Variants in TRDN observed in about 807,000 individuals in gnomAD.
The protein encoded by TRDN is triadin in skeletal muscle.
Under a neutral mutation model 149.7 loss-of-function variants are expected in TRDN, and 161 were observed. The observed-to-expected ratio is 1.08, with a 90% CI of 0.95 to 1.23. The LOEUF is 1.23. Ranked by LOEUF, TRDN falls within the 50% of genes most tolerant of loss-of-function variation. The probability of loss-of-function intolerance (pLI) is 0.00; values close to 1 mark genes in which losing one functional copy is unlikely to be tolerated. For synonymous variants in TRDN, 294 were observed against 250.5 expected, an observed-to-expected ratio of 1.17 and a Z score of -1.64; for missense variants, 896 against 823.5, an observed-to-expected ratio of 1.09 and a Z score of -1.08.
intron 1 of TRDN, among the ~76,000 whole-genome samples, chr6:123,582,722 C>G (rs1783193612): frequency 6.6e-6 from 1 of 152,034 alleles, no homozygotes; most frequent in Non-Finnish European, 1.5e-5. Context: ...AGCTTGGGCT[C>G]AGAGGCCTGA....
chr6:123,375,744 A>G lies in TRDN; in HGVS notation c.1247-113T>C, dbSNP rs1462710673. On this transcript the variant is annotated intron_variant, in intron 18 of 40. Transcript: ENST00000334268. Reference sequence around the variant, plus strand: ...TTAAAGATTGTGTGTATAATATTGGAAGCTAAAGAAAAATAAGATCTGAGA... The same window carrying G: ...TTAAAGATTGTGTGTATAATATTGGGAGCTAAAGAAAAATAAGATCTGAGA... 1.3e-5 allele frequency: 11 copies of G among 833,890 alleles called. No homozygotes were observed. In the East Asian group the frequency reaches 2.9e-4, roughly 22 times the overall value. The allele number at this position is 833,890 out of a possible 1,614,324, so 51.7% of individuals were successfully genotyped here. A position where few individuals can be genotyped will look rare whatever the true frequency, so the allele number is the denominator to read the frequency against.
intron 12 of TRDN, among the ~76,000 whole-genome samples, chr6:123,414,672 A>G (rs760991461): frequency 1.3e-5 from 2 of 152,134 alleles, no homozygotes; most frequent in South Asian, 2.1e-4. Flanking sequence ...TAAAACACAC[A>G]TTACATTTTA....
Position 123,223,205 on chromosome 6 carries a change from C to A in TRDN, c.2014+888G>T, listed in dbSNP as rs115078836. On this transcript the variant is annotated intron_variant, in intron 39 of 40. Transcript: ENST00000334268. ...TGCAGGAACAGAAATCCATATACAG[C>A]ATGTTCTCACTTAAAGTGGGAGCTA... Among the ~76,000 whole-genome samples, 874 of 151,824 alleles carry A rather than the reference C, an allele frequency of 5.8e-3. 10 individuals carry two copies. The highest frequency in any genetic ancestry group is 0.02 in the African/African-American group (841 of 41,486).
intron 2 of TRDN, among the ~76,000 whole-genome samples, chr6:123,562,234 T>C (rs892131592): frequency 6.6e-6 from 1 of 152,096 alleles, no homozygotes; most frequent in Non-Finnish European, 1.5e-5. Flanking sequence ...GCCGCATCCC[T>C]ATCTCCCTTC....
At position 123,599,483 on chromosome 6, in the gene TRDN, T is replaced by C. The variant is rs182572000; in HGVS notation, c.23-28351A>G. On this transcript the variant is annotated intron_variant, in intron 1 of 40. Coordinates refer to ENST00000334268, the MANE Select transcript of TRDN (RefSeq NM_006073.4). ...TCAGAATGCATAATAGGTAAAACTA[T>C]GCATTTTCATTCATGTAAAAATCAT... Among the ~76,000 whole-genome samples, 45 of 151,978 alleles carry C rather than the reference T, an allele frequency of 3.0e-4. No homozygotes were observed. The East Asian group carries it at 8.1e-3, about 27-fold the overall frequency.
At chr6:123,368,372 A>G (rs775576629) in intron 19 of TRDN, among the ~76,000 whole-genome samples, 1 of 152,094 alleles carries the variant, frequency 6.6e-6, no homozygotes, top group African/African-American at 2.4e-5. Flanking sequence ...CATCTGCTCT[A>G]CTACTACTAT....
In TRDN at chr6:123,263,781, G is replaced by A. The variant is rs190979388; in HGVS notation, c.1804+1537C>T. On this transcript the variant is annotated intron_variant, in intron 33 of 40. Transcript: ENST00000334268. The stretch of plus-strand genomic sequence containing the variant: ...TGGAGGCTAGTGAAGCTGGTGACTT[G>A]AAGTTGAAGCCAATGCTTATTGACC... 3.3e-3 allele frequency among the ~76,000 whole-genome samples: 500 copies of A among 152,212 alleles called. 1 individual carries two copies. The highest frequency in any genetic ancestry group is 4.9e-3 in the Non-Finnish European group (332 of 67,998).
intron 40 of TRDN, among the ~76,000 whole-genome samples, chr6:123,219,706 C>A (rs1383609224): frequency 1.3e-5 from 2 of 151,734 alleles, no homozygotes; most frequent in East Asian, 1.9e-4. Flanking sequence ...ATTTAGTTAT[C>A]TTTTCCAATG....
At chr6:123,540,425 A>G (rs925578972) in intron 4 of TRDN, among the ~76,000 whole-genome samples, 5 of 151,976 alleles carry the variant, frequency 3.3e-5, no homozygotes, top group African/African-American at 4.8e-5. Flanking sequence ...AAGAGGATTT[A>G]CTAATAACAT....
Position 123,274,662 on chromosome 6 carries a change from T to G in TRDN, c.1576A>C (p.Ile526Leu), listed in dbSNP as rs375091695. 167 of 1,608,630 alleles carry G rather than the reference T, an allele frequency of 1.0e-4. No individual in the cohort carries two copies. The highest frequency in any genetic ancestry group is 3.4e-5 in the Admixed American group (2 of 59,648). Residue 526 changes from isoleucine to leucine, a missense_variant, in exon 27 of 41, where the codon ATT becomes CTT. By Grantham distance (5) the Ile-to-Leu change is conservative (BLOSUM62 2). Coordinates refer to ENST00000334268, the MANE Select transcript of TRDN (RefSeq NM_006073.4). ...TTACCTGGTTTTGCTTCTTTTTTAA[T>G]TTGGGGCTCTGAGGGAGAGAAAAGG... is the stretch of plus-strand genomic sequence containing the variant. ...GKKEEKPEPQIKKEAKPAISE... is the reference protein window; with the variant it reads ...GKKEEKPEPQLKKEAKPAISE...
intron 1 of TRDN, among the ~76,000 whole-genome samples, chr6:123,613,906 T>C (rs1281211637): frequency 6.6e-6 from 1 of 152,112 alleles, no homozygotes; most frequent in Admixed American, 6.6e-5. Context: ...AAAAGATAAA[T>C]GATAAAAGAA....
chr6:123,489,405 T>C (rs1377208886), intron 9 of TRDN: 2 of 152,144 alleles, frequency 1.3e-5, no homozygotes, highest in African/African-American at 4.8e-5. Flanking sequence ...CATTACACTA[T>C]CAGGGTCCAC....
chr6:123,521,500 C>G (rs1779678297), intron 5 of TRDN, among the ~76,000 whole-genome samples: 1 of 152,044 alleles, frequency 6.6e-6, no homozygotes. Flanking sequence ...AGCTTGCCCG[C>G]AAACCTCCAG....
chr6:123,368,558 C>G (rs955636246), intron 19 of TRDN, among the ~76,000 whole-genome samples: 1 of 152,068 alleles, frequency 6.6e-6, no homozygotes, highest in African/African-American at 2.4e-5. Context: ...CCAGGATACT[C>G]TAATATTTTG....
chr6:123,574,848 TTATATATACATATATATATA>T (rs1365767762), intron 1 of TRDN, among the ~76,000 whole-genome samples: 59 of 102,534 alleles, frequency 5.8e-4, no homozygotes, highest in African/African-American at 1.5e-3. Flanking sequence ...GAACATGAAT[TTATATATACATATATATATA>T]TATATATATA....
intron 1 of TRDN, among the ~76,000 whole-genome samples, chr6:123,587,595 C>A (rs184165132): frequency 3.3e-5 from 5 of 152,210 alleles, no homozygotes; most frequent in East Asian, 3.9e-4. Context: ...ATCTGAGTCG[C>A]GGCACCAAAT....
chr6:123,400,167 G>GTATA (rs374126829), intron 12 of TRDN, among the ~76,000 whole-genome samples: 12,427 of 123,304 alleles, frequency 0.1, 772 homozygotes, highest in East Asian at 0.13. Context: ...ATATGTATGT[G>GTATA]TATATATATA....
chr6:123,625,067 T>TC (rs1491419558), intron 1 of TRDN, among the ~76,000 whole-genome samples: 2 of 52,014 alleles, frequency 3.8e-5, no homozygotes, highest in African/African-American at 2.3e-4. Flanking sequence ...TTCCTGTCTC[T>TC]TTTTTTTTTT....
chr6:123,406,889 T>G (rs1257216294), intron 12 of TRDN, among the ~76,000 whole-genome samples: 1 of 152,150 alleles, frequency 6.6e-6, no homozygotes, highest in African/African-American at 2.4e-5. Context: ...CTCCCCTTGC[T>G]CCAAGCCTGG....
Sources: gnomAD v4.1 joint callset for allele counts (sites outside exome capture counted in the v4.1 genomes callset) on GRCh38, gnomAD v4.1.1 for gene constraint, MANE v1.5 for transcripts, NCBI Gene and HGNC (gene_info 2026-07-23, HGNC 2026-07-21) for gene names.